The following GMPS variants were observed in gnomAD, a reference collection of about 807,000 sequenced individuals.
The protein encoded by GMPS is guanosine monophosphate synthase, also known as GMP synthase [glutamine-hydrolyzing].
GMPS carries 15 observed loss-of-function variants against 77.9 expected under a neutral mutation model. The ratio of observed to expected loss-of-function variants is 0.19; its 90% CI spans 0.13 to 0.30. GMPS has a LOEUF of 0.30. Ranked by LOEUF, GMPS falls within the 10% of genes least tolerant of loss-of-function variation. GMPS has a pLI of 1.00. For synonymous variants in GMPS, 224 were observed against 275.9 expected (o/e 0.81, Z 1.86); for missense variants, 590 against 838.8 (o/e 0.70, Z 3.66).
intron 1 of GMPS, among the ~76,000 whole-genome samples, chr3:155,887,127 C>T (rs1652714131): frequency 6.6e-6 from 1 of 152,064 alleles, no homozygotes; most frequent in Admixed American, 6.6e-5. Context: ...GGACAGCATA[C>T]CACTCTGGAG....
At chr3:155,870,636 C>T (rs1456148436), upstream of GMPS, 24 of 467,036 alleles carry the variant, frequency 5.1e-5, no homozygotes, top group South Asian at 6.8e-4. Context: ...GGGGCGGAAG[C>T]AGGAGGCGGG....
intron 9 of GMPS, among the ~76,000 whole-genome samples, chr3:155,917,666 A>G (rs1052136218): frequency 4.1e-4 from 62 of 151,982 alleles, no homozygotes; most frequent in Admixed American, 2.5e-3. Flanking sequence ...TGGGGTCGGG[A>G]GTTTGAGACC....
intron 1 of GMPS, among the ~76,000 whole-genome samples, chr3:155,880,451 G>C (rs1754185268): frequency 6.6e-6 from 1 of 152,064 alleles, no homozygotes; most frequent in Non-Finnish European, 1.5e-5. Flanking sequence ...TGTGGAGAGA[G>C]GTGGTAGTTT....
chr3:155,884,038 A>C (rs1038955520), intron 1 of GMPS, among the ~76,000 whole-genome samples: 1 of 151,512 alleles, frequency 6.6e-6, no homozygotes, highest in African/African-American at 2.4e-5. Context: ...TAGCTATAAT[A>C]AAGATTTTAA....
chr3:155,924,310 TAAAATGATA>T (rs1755397878), intron 11 of GMPS, among the ~76,000 whole-genome samples: 1 of 152,168 alleles, frequency 6.6e-6, no homozygotes, highest in African/African-American at 2.4e-5. Context: ...ATGGACTGTA[TAAAATGATA>T]AAAATGATTA....
At chr3:155,898,561 G>T (rs1013091295) in intron 3 of GMPS, among the ~76,000 whole-genome samples, 3 of 152,234 alleles carry the variant, frequency 2.0e-5, no homozygotes, top group African/African-American at 7.2e-5. Context: ...ATAGGCCACA[G>T]ATCAGTCAGG....
At chr3:155,915,354 C>T (rs967632593) in intron 8 of GMPS, among the ~76,000 whole-genome samples, 34 of 151,790 alleles carry the variant, frequency 2.2e-4, no homozygotes, top group Middle Eastern at 3.4e-3. Flanking sequence ...TCTCCTGCCT[C>T]AGCCTCCCGA....
rs2108165575 is a variant in GMPS at position 155,943,644 on chromosome 3, C to A, written c.*5952C>A. On this transcript the variant is annotated 3_prime_UTR_variant, in exon 16 of 16. Transcript: ENST00000496455. ...CTGCAATGTCTATTTTGTGTTGTAA[C>A]AATGTTGCCATAAAATAGCTTTGCT... 4 of 176,910 alleles carry A rather than the reference C, an allele frequency of 2.3e-5. No homozygotes were observed. In the East Asian group the frequency reaches 3.8e-4, roughly 17 times the overall value. The allele number at this position is 176,910 out of a possible 1,614,324, so 11.0% of individuals were successfully genotyped here.
chr3:155,926,362 G>A (rs1577532171), intron 12 of GMPS, among the ~76,000 whole-genome samples: 1 of 152,250 alleles, frequency 6.6e-6, no homozygotes, highest in East Asian at 1.9e-4. Context: ...GTGTGGGAGG[G>A]TAGGGAAGAG....
intron 3 of GMPS, among the ~76,000 whole-genome samples, chr3:155,900,383 T>A (rs942846879): frequency 1.3e-4 from 20 of 151,802 alleles, no homozygotes; most frequent in Non-Finnish European, 2.4e-4. Context: ...TTTTTTTTTT[T>A]TGTCCCAAGG....
At chr3:155,910,953 C>G in intron 6 of GMPS, 68 bp downstream of exon 6, 1 of 1,162,172 alleles carries the variant, frequency 8.6e-7, no homozygotes, top group South Asian at 1.5e-5. Flanking sequence ...GAGTTAGAGT[C>G]CTCAACACAG....
rs146004589 is a variant in GMPS, at chr3:155,941,353, G to A, written c.*3661G>A. On this transcript the variant is annotated 3_prime_UTR_variant, in exon 16 of 16. Coordinates refer to ENST00000496455, the MANE Select transcript of GMPS (RefSeq NM_003875.3). Reference sequence around the variant, plus strand: ...CAGGAGGCGGAGCTTGCAGTGAGCTGAGATAGTGCCACTGCACTCCGGCCT... The same window carrying A: ...CAGGAGGCGGAGCTTGCAGTGAGCTAAGATAGTGCCACTGCACTCCGGCCT... 2,713 of 176,150 alleles carry A rather than the reference G, an allele frequency of 0.015. 73 individuals are homozygous for A. The highest frequency in any genetic ancestry group is 0.062 in the African/African-American group (2,526 of 40,876). 10.9% of individuals were successfully genotyped at this position (176,150 alleles called of 1,614,324 possible). A position where few individuals can be genotyped will look rare whatever the true frequency, so the allele number is the denominator to read the frequency against.
intron 1 of GMPS, among the ~76,000 whole-genome samples, chr3:155,888,568 C>T (rs377229687): frequency 2.6e-5 from 4 of 151,304 alleles, no homozygotes; most frequent in South Asian, 2.1e-4. Flanking sequence ...ACCACAGGCA[C>T]GTGCACCCAC....
chr3:155,933,087 G>A (rs1050241911), intron 13 of GMPS, among the ~76,000 whole-genome samples: 1 of 152,126 alleles, frequency 6.6e-6, no homozygotes, highest in African/African-American at 2.4e-5. Flanking sequence ...AGCTACTCGG[G>A]AGGCTGAGGC....
At chr3:155,906,116 T>G (rs760912163) in intron 4 of GMPS, 44 bp from the exon 5 acceptor site, 1 of 1,159,664 alleles carries the variant, frequency 8.6e-7, no homozygotes, top group Non-Finnish European at 1.2e-6. Context: ...ATGAATCATG[T>G]TTTTAATTAA....
At chr3:155,924,358 A>G (rs1040048795) in intron 11 of GMPS, among the ~76,000 whole-genome samples, 1 of 152,262 alleles carries the variant, frequency 6.6e-6, no homozygotes, top group Non-Finnish European at 1.5e-5. Context: ...TAAAAATGAT[A>G]TCTACTTGTT....
intron 3 of GMPS, among the ~76,000 whole-genome samples, chr3:155,903,303 A>C (rs1754776729): frequency 6.6e-6 from 1 of 152,250 alleles, no homozygotes. Context: ...ATTTGAAATC[A>C]GTCGATAAGC....
At position 155,943,538 on chromosome 3, in the gene GMPS, CA is replaced by C. The variant is rs1202394227; in HGVS notation, c.*5847del. The C allele has an allele frequency of 5.6e-6, 1 of 178,580 alleles. No homozygotes were observed. The highest frequency in any genetic ancestry group is 1.2e-5 in the Non-Finnish European group (1 of 83,202). 11.1% of individuals were successfully genotyped at this position (178,580 alleles called of 1,614,324 possible). A position where few individuals can be genotyped will look rare whatever the true frequency, so the allele number is the denominator to read the frequency against. ...AAGTGAATGTAAACCTCCTTTTGAA[CA>C]TATTTTTTATAAAGAAATATTTTGT... On this transcript the variant is annotated 3_prime_UTR_variant, in exon 16 of 16. Transcript: ENST00000496455.
chr3:155,911,009 C>A, intron 6 of GMPS, 105 bp from the exon 7 acceptor site: 1 of 1,106,652 alleles, frequency 9.0e-7, no homozygotes, highest in Non-Finnish European at 1.3e-6. Flanking sequence ...AGTTACCATA[C>A]ATATCTTTGG....
Sources: gnomAD v4.1 joint callset for allele counts (sites outside exome capture counted in the v4.1 genomes callset) on GRCh38, gnomAD v4.1.1 for gene constraint, MANE v1.5 for transcripts, NCBI Gene and HGNC (gene_info 2026-07-23, HGNC 2026-07-21) for gene names.